ENPP6: variants seen among roughly 807,000 people sequenced by gnomAD.
ENPP6 encodes the protein ectonucleotide pyrophosphatase/phosphodiesterase 6.
ENPP6 carries 32 observed loss-of-function variants against 42.0 expected under a neutral mutation model. The ratio of observed to expected loss-of-function variants is 0.76; its 90% CI spans 0.58 to 1.02. ENPP6 has a LOEUF of 1.02. Ranked by LOEUF, ENPP6 falls within the 50% of genes least tolerant of loss-of-function variation. ENPP6 has a pLI of 0.00. For missense variants in ENPP6, 552 were observed against 566.8 expected (o/e 0.97, Z 0.27); for synonymous variants, 213 against 216.0 (o/e 0.99, Z 0.12).
At chr4:184,092,351 A>G (rs960871744) in intron 7 of ENPP6, among the ~76,000 whole-genome samples, 1 of 152,200 alleles carries the variant, frequency 6.6e-6, no homozygotes, top group African/African-American at 2.4e-5. Flanking sequence ...CATGTGGAAA[A>G]TGAGCAAACT....
chr4:184,145,354 T>C (rs1305356774), intron 2 of ENPP6, among the ~76,000 whole-genome samples: 2 of 152,206 alleles, frequency 1.3e-5, no homozygotes, highest in Admixed American at 1.3e-4. Context: ...TCTCCCCTTT[T>C]TCTTCTTTAT....
intron 1 of ENPP6, among the ~76,000 whole-genome samples, chr4:184,181,453 T>A (rs1732549549): frequency 6.6e-6 from 1 of 152,188 alleles, no homozygotes; most frequent in Non-Finnish European, 1.5e-5. Context: ...ATTTATAGAT[T>A]CAATGGTATT....
rs1340482682 is a variant in ENPP6 at position 184,213,334 on chromosome 4, T to C, written c.241+4245A>G. Among the ~76,000 whole-genome samples, 3 of 151,354 alleles carry C rather than the reference T, an allele frequency of 2.0e-5. No individual in the cohort carries two copies. The South Asian group carries it at 6.2e-4, about 31-fold the overall frequency. ...AAAATGGGAGAAAATTTTCGCAACCTACTCATCTGACAAAGGGCTAATATC... is the reference window on the plus strand; with the variant it reads ...AAAATGGGAGAAAATTTTCGCAACCCACTCATCTGACAAAGGGCTAATATC... On this transcript the variant is annotated intron_variant, in intron 1 of 7. Transcript: ENST00000296741.
chr4:184,133,663 A>T (rs527432806), intron 2 of ENPP6, among the ~76,000 whole-genome samples: 1 of 150,626 alleles, frequency 6.6e-6, no homozygotes, highest in East Asian at 2.0e-4. Context: ...CATAGTCCTG[A>T]ACGCATTTCT....
At chr4:184,211,459 C>T (rs1336804322) in intron 1 of ENPP6, among the ~76,000 whole-genome samples, 1 of 151,930 alleles carries the variant, frequency 6.6e-6, no homozygotes, top group African/African-American at 2.4e-5. Context: ...ACTACAAACA[C>T]CTCTACGCAA....
intron 1 of ENPP6, among the ~76,000 whole-genome samples, chr4:184,163,513 C>T (rs1328833425): frequency 6.6e-6 from 1 of 152,120 alleles, no homozygotes; most frequent in African/African-American, 2.4e-5. Context: ...GAATATGAAA[C>T]ATATGCTGAT....
intron 7 of ENPP6, 63 bp downstream of exon 7, chr4:184,097,182 C>T (rs200653808): frequency 2.5e-6 from 4 of 1,601,742 alleles, no homozygotes; most frequent in South Asian, 1.1e-5. Context: ...GCACCCGTAG[C>T]CCCCCTTACA....
intron 1 of ENPP6, among the ~76,000 whole-genome samples, chr4:184,190,963 G>C (rs1429147497): frequency 6.6e-6 from 1 of 152,242 alleles, no homozygotes; most frequent in East Asian, 1.9e-4. Context: ...ACACAAAGGA[G>C]GGTTTAAAAA....
At position 184,089,229 on chromosome 4, in the gene ENPP6, T is replaced by C. The variant is rs190357072; in HGVS notation, c.*1948A>G. 6 of 152,306 alleles carry C rather than the reference T, an allele frequency of 3.9e-5. No individual in the cohort carries two copies. In the East Asian group the frequency reaches 1.2e-3, roughly 29 times the overall value. 9.4% of individuals were successfully genotyped at this position (152,306 alleles called of 1,614,324 possible). A position where few individuals can be genotyped will look rare whatever the true frequency, so the allele number is the denominator to read the frequency against. On this transcript the variant is annotated 3_prime_UTR_variant, in exon 8 of 8. Transcript: ENST00000296741. ...GCGCTTTTAAAACACATTACATAAA[T>C]CTTTAGAAATCTTTTGTGAAGGTAA...
At chr4:184,208,586 C>G (rs1462696260) in intron 1 of ENPP6, among the ~76,000 whole-genome samples, 3 of 151,756 alleles carry the variant, frequency 2.0e-5, no homozygotes, top group East Asian at 3.9e-4. Context: ...CTGGGAGGGT[C>G]CTACGCCCAC....
At chr4:184,154,557 C>T (rs1228757219) in intron 1 of ENPP6, among the ~76,000 whole-genome samples, 1 of 152,180 alleles carries the variant, frequency 6.6e-6, no homozygotes, top group African/African-American at 2.4e-5. Flanking sequence ...AATCAAGTGG[C>T]TTTTCTTCTT....
chr4:184,209,179 C>G (rs990396390), intron 1 of ENPP6, among the ~76,000 whole-genome samples: 6 of 151,608 alleles, frequency 4.0e-5, no homozygotes, highest in African/African-American at 1.5e-4. Flanking sequence ...AGCAGAGCGC[C>G]TCTCCTCTTC....
intron 4 of ENPP6, among the ~76,000 whole-genome samples, chr4:184,117,298 C>A (rs1042345231): frequency 6.6e-6 from 1 of 152,246 alleles, no homozygotes; most frequent in African/African-American, 2.4e-5. Context: ...TCTGCATCTT[C>A]TCTGGCTCTT....
intron 2 of ENPP6, among the ~76,000 whole-genome samples, chr4:184,149,728 A>C (rs1736991393): frequency 6.6e-6 from 1 of 152,206 alleles, no homozygotes; most frequent in Non-Finnish European, 1.5e-5. Flanking sequence ...AGACTCTTAA[A>C]AGGTTGCTAT....
intron 5 of ENPP6, among the ~76,000 whole-genome samples, chr4:184,116,095 C>T (rs7659843): frequency 1.3e-5 from 2 of 151,610 alleles, no homozygotes; most frequent in East Asian, 2.0e-4. Context: ...TGGTGGCGGG[C>T]GCCTGTAGAC....
At chr4:184,195,084 A>C (rs1732773645) in intron 1 of ENPP6, among the ~76,000 whole-genome samples, 1 of 152,172 alleles carries the variant, frequency 6.6e-6, no homozygotes, top group South Asian at 2.1e-4. Context: ...CATTTTTAAA[A>C]ATTTCTAATT....
intron 7 of ENPP6, among the ~76,000 whole-genome samples, chr4:184,094,284 A>G (rs1248860252): frequency 2.0e-5 from 3 of 152,250 alleles, no homozygotes; most frequent in African/African-American, 4.8e-5. Context: ...CTAAAAAACA[A>G]AACAAAACAA....
rs918186452 is a variant in ENPP6 at position 184,090,334 on chromosome 4, C to G, written c.*843G>C. ...TGGCATGTCTGAGGAAGCCTTTGCA[C>G]AGGTGAACGGACAGGGAAGGCAGGC... On this transcript the variant is annotated 3_prime_UTR_variant, in exon 8 of 8. Coordinates refer to ENST00000296741, the MANE Select transcript of ENPP6 (RefSeq NM_153343.4). 1 of 152,318 alleles carries G rather than the reference C, an allele frequency of 6.6e-6. No individual in the cohort carries two copies. Among genetic ancestry groups the G allele is most frequent in the Non-Finnish European group, 1.5e-5 (1 of 68,094 alleles). The allele number at this position is 152,318 out of a possible 1,614,324, so 9.4% of individuals were successfully genotyped here. A position where few individuals can be genotyped will look rare whatever the true frequency, so the allele number is the denominator to read the frequency against.
intron 1 of ENPP6, among the ~76,000 whole-genome samples, chr4:184,160,586 T>C (rs1737243408): frequency 6.6e-6 from 1 of 152,238 alleles, no homozygotes; most frequent in South Asian, 2.1e-4. Context: ...CATGCACATA[T>C]GTGTACATGC....
Sources: allele counts gnomAD v4.1 joint callset (sites outside exome capture counted in the v4.1 genomes callset), GRCh38; gene constraint gnomAD v4.1.1; transcripts MANE v1.5; gene names NCBI Gene and HGNC (gene_info 2026-07-23, HGNC 2026-07-21).